The following ACADSB variants were observed in gnomAD, a reference collection of about 807,000 sequenced individuals.
ACADSB encodes the protein short/branched chain specific acyl-CoA dehydrogenase, mitochondrial.
Under a neutral mutation model 54.1 loss-of-function variants are expected in ACADSB, and 40 were observed. That is an observed-to-expected ratio of 0.74 (90% CI 0.57 to 0.96). The LOEUF (loss-of-function observed/expected upper bound fraction) is 0.96, where lower values mean the gene tolerates loss of function less well. Among genes scored for constraint, ACADSB ranks in the 40% least tolerant of loss-of-function variants. The pLI, the probability that ACADSB is intolerant of heterozygous loss-of-function variation, is 0.00. For synonymous variants in ACADSB, 182 were observed against 182.8 expected (o/e 1.00, Z 0.03); for missense variants, 530 against 510.4 (o/e 1.04, Z -0.37).
intron 2 of ACADSB, among the ~76,000 whole-genome samples, chr10:123,034,973 G>A (rs1850379090): frequency 2.1e-5 from 3 of 144,246 alleles, no homozygotes; most frequent in Admixed American, 7.0e-5. Context: ...TTTTTGAGAT[G>A]GAGTCTCACT....
chr10:123,028,217 T>C (rs1250051363), intron 1 of ACADSB, among the ~76,000 whole-genome samples: 2 of 151,166 alleles, frequency 1.3e-5, no homozygotes, highest in Non-Finnish European at 3.0e-5. Context: ...CAGACACTAA[T>C]AGATTAGTTG....
At chr10:123,028,148 G>T (rs931056583) in intron 1 of ACADSB, among the ~76,000 whole-genome samples, 13 of 152,166 alleles carry the variant, frequency 8.5e-5, no homozygotes, top group African/African-American at 3.1e-4. Flanking sequence ...ACATAAAAAT[G>T]GAATCAGATT....
At chr10:123,018,138 T>C (rs1850132323) in intron 1 of ACADSB, among the ~76,000 whole-genome samples, 1 of 152,140 alleles carries the variant, frequency 6.6e-6, no homozygotes, top group Non-Finnish European at 1.5e-5. Context: ...GTTCAGCTGG[T>C]TTGGGGGGCC....
chr10:123,017,905 G>A (rs950047647), intron 1 of ACADSB, among the ~76,000 whole-genome samples: 1 of 152,208 alleles, frequency 6.6e-6, no homozygotes, highest in Non-Finnish European at 1.5e-5. Flanking sequence ...TGTCTGGGTT[G>A]TGATAAGAAG....
intron 1 of ACADSB, among the ~76,000 whole-genome samples, chr10:123,025,300 A>G (rs1448549976): frequency 6.6e-6 from 1 of 150,818 alleles, no homozygotes; most frequent in African/African-American, 2.4e-5. Context: ...CTGCAACAAC[A>G]AGAACAACAA....
chr10:123,021,487 C>T (rs1044965721), intron 1 of ACADSB, among the ~76,000 whole-genome samples: 3 of 152,222 alleles, frequency 2.0e-5, no homozygotes, highest in African/African-American at 7.2e-5. Flanking sequence ...TCTTACTTAA[C>T]TGAAAACAAT....
chr10:123,025,967 A>G (rs762689537), intron 1 of ACADSB, among the ~76,000 whole-genome samples: 2 of 152,088 alleles, frequency 1.3e-5, no homozygotes, highest in African/African-American at 2.4e-5. Context: ...AGGCTGAATC[A>G]GGAGAATTGC....
At chr10:123,053,278 T>G in intron 10 of ACADSB, 118 bp downstream of exon 10, 1 of 782,320 alleles carries the variant, frequency 1.3e-6, no homozygotes, top group African/African-American at 1.7e-5. Flanking sequence ...CTTCAGTATA[T>G]GTTTGGTGGC....
rs140826652 is a variant in ACADSB at position 123,042,551 on chromosome 10, T to G, written c.682-495T>G. ...TCCCAGCTCACTGCAACCTCCGCCT[T>G]CTGGGTTCAAGCAATTCTCCTGCTT... On this transcript the variant is annotated intron_variant, in intron 5 of 10. Coordinates refer to ENST00000358776, the MANE Select transcript of ACADSB (RefSeq NM_001609.4). Among the ~76,000 whole-genome samples, 85 of 150,462 alleles carry G rather than the reference T, an allele frequency of 5.6e-4. 1 individual carries two copies. The East Asian group carries it at 0.015, about 26-fold the overall frequency.
At chr10:123,038,587 T>C (rs957806240) in intron 3 of ACADSB, among the ~76,000 whole-genome samples, 3 of 152,224 alleles carry the variant, frequency 2.0e-5, no homozygotes, top group African/African-American at 4.8e-5. Context: ...AAATATATTT[T>C]TTTTAATTTT....
chr10:123,042,849 G>C (rs1430620063), intron 5 of ACADSB, among the ~76,000 whole-genome samples, 197 bp from the exon 6 acceptor site: 2 of 152,144 alleles, frequency 1.3e-5, no homozygotes, highest in East Asian at 3.8e-4. Context: ...CTGAAAAAGT[G>C]AAACAAATGG....
chr10:123,028,176 C>T (rs1417575074), intron 1 of ACADSB, among the ~76,000 whole-genome samples: 1 of 152,156 alleles, frequency 6.6e-6, no homozygotes, highest in Admixed American at 6.5e-5. Flanking sequence ...GGAGGCTACA[C>T]ACTGATTTAA....
At chr10:123,012,858 C>T (rs373059107) in intron 1 of ACADSB, among the ~76,000 whole-genome samples, 24 of 152,284 alleles carry the variant, frequency 1.6e-4, no homozygotes, top group South Asian at 1.5e-3. Flanking sequence ...ACTGCTGGCT[C>T]GGCAGCCTGA....
At chr10:123,047,077 C>T (rs1471596855) in intron 7 of ACADSB, 132 bp from the exon 8 acceptor site, 12 of 751,994 alleles carry the variant, frequency 1.6e-5, no homozygotes, top group African/African-American at 3.5e-5. Context: ...TAACACACAC[C>T]TCACCACCTC....
chr10:123,034,956 C>CT (rs1026343750), intron 2 of ACADSB, among the ~76,000 whole-genome samples: 174 of 140,258 alleles, frequency 1.2e-3, no homozygotes, highest in Middle Eastern at 3.6e-3. Flanking sequence ...TCTTTTTTTT[C>CT]TTTTTTTTTT....
At position 123,057,646 on chromosome 10, in the gene ACADSB, G is replaced by A. The variant is rs543424244; in HGVS notation, c.*3881G>A. On this transcript the variant is annotated 3_prime_UTR_variant, in exon 11 of 11. Transcript: ENST00000358776. The stretch of plus-strand genomic sequence containing the variant: ...TGGATTCCACCCAACTGCCAAGTTA[G>A]TATTGTTAGAGATTTCATTTTACAA... 1 of 152,190 alleles carries A rather than the reference G, an allele frequency of 6.6e-6. No individual in the cohort carries two copies. Among genetic ancestry groups the A allele is most frequent in the Non-Finnish European group, 1.5e-5 (1 of 68,044 alleles). 9.4% of individuals were successfully genotyped at this position (152,190 alleles called of 1,614,324 possible).
chr10:123,053,190 T>C (rs1443529164), intron 10 of ACADSB, 30 bp downstream of exon 10: 1 of 1,543,756 alleles, frequency 6.5e-7, no homozygotes, highest in South Asian at 1.1e-5. Context: ...TTACATTTTA[T>C]TTTGTTTTAT....
chr10:123,029,688 A>G (rs1472807861), intron 1 of ACADSB, among the ~76,000 whole-genome samples: 1 of 152,240 alleles, frequency 6.6e-6, no homozygotes, highest in Non-Finnish European at 1.5e-5. Context: ...ATGACAATTT[A>G]TGCATGCTTT....
intron 3 of ACADSB, among the ~76,000 whole-genome samples, chr10:123,040,231 A>G (rs1850452278): frequency 6.6e-6 from 1 of 151,678 alleles, no homozygotes; most frequent in African/African-American, 2.4e-5. Context: ...GGCACCTGTA[A>G]TCCCAGTGAC....
Sources: gnomAD v4.1 joint callset for allele counts (sites outside exome capture counted in the v4.1 genomes callset) on GRCh38, gnomAD v4.1.1 for gene constraint, MANE v1.5 for transcripts, NCBI Gene and HGNC (gene_info 2026-07-23, HGNC 2026-07-21) for gene names.